Variants in NTNG1 observed in about 807,000 individuals in gnomAD.
The protein encoded by NTNG1 is netrin G1, also known as netrin-G1.
A neutral mutation model predicts 54.0 loss-of-function variants in NTNG1; 16 were observed. The observed-to-expected ratio is 0.30, with a 90% CI of 0.20 to 0.45. The LOEUF (loss-of-function observed/expected upper bound fraction) is 0.45, where lower values mean the gene tolerates loss of function less well. Ranked by LOEUF, NTNG1 falls within the 20% of genes least tolerant of loss-of-function variation. NTNG1 has a pLI of 1.00. For missense variants in NTNG1, 530 were observed against 678.7 expected (o/e 0.78, Z 2.43); for synonymous variants, 255 against 263.1 (o/e 0.97, Z 0.30).
At chr1:107,307,326 A>G (rs1191205384) in intron 2 of NTNG1, among the ~76,000 whole-genome samples, 3 of 152,174 alleles carry the variant, frequency 2.0e-5, no homozygotes, top group African/African-American at 7.2e-5. Flanking sequence ...GACCCTACAA[A>G]GGAGGCTTTT....
At chr1:107,310,797 C>T (rs1160005624) in intron 2 of NTNG1, among the ~76,000 whole-genome samples, 1 of 152,008 alleles carries the variant, frequency 6.6e-6, no homozygotes, top group East Asian at 1.9e-4. Flanking sequence ...AAATACACTA[C>T]CCATGTCCCA....
intron 3 of NTNG1, among the ~76,000 whole-genome samples, chr1:107,355,328 T>C (rs1215588773): frequency 2.6e-5 from 4 of 152,022 alleles, no homozygotes; most frequent in African/African-American, 4.8e-5. Context: ...GATTCTCACA[T>C]AAGGCAGTAG....
At chr1:107,333,731 T>A (rs1379690061) in intron 3 of NTNG1, among the ~76,000 whole-genome samples, 1 of 151,908 alleles carries the variant, frequency 6.6e-6, no homozygotes, top group Non-Finnish European at 1.5e-5. Flanking sequence ...AGTTCCAACT[T>A]TAGTTATCAT....
At chr1:107,470,942 G>T (rs190755370) in intron 7 of NTNG1, among the ~76,000 whole-genome samples, 32 of 152,282 alleles carry the variant, frequency 2.1e-4, no homozygotes, top group African/African-American at 7.0e-4. Context: ...AAAAATTTTA[G>T]GGATGTTTGG....
At chr1:107,404,869 C>T (rs971533414) in intron 4 of NTNG1, among the ~76,000 whole-genome samples, 8 of 152,078 alleles carry the variant, frequency 5.3e-5, no homozygotes, top group Non-Finnish European at 1.2e-4. Context: ...TGGTAGTTGT[C>T]AATTCACAGA....
chr1:107,317,224 C>T (rs897993230), intron 2 of NTNG1, among the ~76,000 whole-genome samples: 1 of 152,154 alleles, frequency 6.6e-6, no homozygotes, highest in African/African-American at 2.4e-5. Flanking sequence ...TTTTAACTCC[C>T]CTTGTTTTTC....
At chr1:107,254,717 G>T (rs966383906) in intron 2 of NTNG1, among the ~76,000 whole-genome samples, 1 of 152,224 alleles carries the variant, frequency 6.6e-6, no homozygotes, top group Admixed American at 6.5e-5. Flanking sequence ...GAAAAAAAAT[G>T]AGTTGAGGAT....
intron 5 of NTNG1, among the ~76,000 whole-genome samples, chr1:107,417,368 T>G (rs1674286051): frequency 6.6e-6 from 1 of 152,106 alleles, no homozygotes; most frequent in Non-Finnish European, 1.5e-5. Context: ...AAAGTTATAG[T>G]GCAAGTCTCT....
chr1:107,184,477 C>T (rs1019944600), intron 2 of NTNG1, among the ~76,000 whole-genome samples: 11 of 152,046 alleles, frequency 7.2e-5, no homozygotes, highest in African/African-American at 1.7e-4. Flanking sequence ...TGCTTCCTGC[C>T]GAAAGTAGTT....
chr1:107,309,492 A>G lies in NTNG1; in HGVS notation c.247-14790A>G, dbSNP rs543221994. 5.3e-5 allele frequency among the ~76,000 whole-genome samples: 8 copies of G among 152,320 alleles called. No individual in the cohort carries two copies. The South Asian group carries it at 1.7e-3, about 32-fold the overall frequency. On this transcript the variant is annotated intron_variant, in intron 2 of 7. Coordinates refer to ENST00000370068, the MANE Select transcript of NTNG1 (RefSeq NM_001113226.3). ...TTAATTATAAAATAGTTTGTTTTAC[A>G]TTCACTTGTTTGCTCATCTTTTATT...
At chr1:107,258,263 T>G (rs1663062499) in intron 2 of NTNG1, among the ~76,000 whole-genome samples, 1 of 151,596 alleles carries the variant, frequency 6.6e-6, no homozygotes, top group Non-Finnish European at 1.5e-5. Flanking sequence ...GTTGGTTTTT[T>G]TTTTTCATTT....
intron 2 of NTNG1, among the ~76,000 whole-genome samples, chr1:107,165,800 T>C (rs1655749565): frequency 6.6e-6 from 1 of 152,232 alleles, no homozygotes; most frequent in Non-Finnish European, 1.5e-5. Flanking sequence ...TGCCATTATT[T>C]ATTATGTCAA....
At chr1:107,236,322 T>C (rs1305270957) in intron 2 of NTNG1, among the ~76,000 whole-genome samples, 4 of 151,922 alleles carry the variant, frequency 2.6e-5, no homozygotes, top group Non-Finnish European at 5.9e-5. Context: ...CCTTCAAAAG[T>C]GAAGATTTAA....
intron 3 of NTNG1, among the ~76,000 whole-genome samples, chr1:107,359,904 A>G (rs1273981056): frequency 1.3e-5 from 2 of 152,208 alleles, no homozygotes; most frequent in Non-Finnish European, 2.9e-5. Flanking sequence ...AGTCACTGCT[A>G]TTTATTGTGT....
chr1:107,409,316 A>G (rs1276518548), intron 5 of NTNG1: 2 of 152,172 alleles, frequency 1.3e-5, no homozygotes, highest in Non-Finnish European at 2.9e-5. Context: ...TGCTATAGTG[A>G]TCTGGCCTGT....
Position 107,286,015 on chromosome 1 carries a change from G to A in NTNG1, c.247-38267G>A, listed in dbSNP as rs886077036. 2.0e-5 allele frequency among the ~76,000 whole-genome samples: 3 copies of A among 152,152 alleles called. No homozygotes were observed. In the East Asian group the frequency reaches 5.8e-4, roughly 29 times the overall value. ...GAAGGAAACACATCAAAGAGACTAT[G>A]AAGAGGCTGTAGGAGATCTGCAGTC... On this transcript the variant is annotated intron_variant, in intron 2 of 7. Transcript: ENST00000370068.
intron 7 of NTNG1, among the ~76,000 whole-genome samples, chr1:107,441,336 T>C (rs1675952614): frequency 6.6e-6 from 1 of 152,164 alleles, no homozygotes; most frequent in Non-Finnish European, 1.5e-5. Flanking sequence ...CACATGGGAA[T>C]ATGCTGCAGG....
At chr1:107,450,373 G>A (rs1433134655) in intron 7 of NTNG1, among the ~76,000 whole-genome samples, 4 of 152,040 alleles carry the variant, frequency 2.6e-5, no homozygotes, top group Non-Finnish European at 5.9e-5. Context: ...CACTATCCAT[G>A]AGAATTAAAT....
At chr1:107,219,716 G>A (rs557042961) in intron 2 of NTNG1, among the ~76,000 whole-genome samples, 59 of 152,246 alleles carry the variant, frequency 3.9e-4, no homozygotes, top group African/African-American at 1.3e-3. Flanking sequence ...CTGGTACCAG[G>A]GAATATCTGC....
Sources: gnomAD v4.1 joint callset for allele counts (sites outside exome capture counted in the v4.1 genomes callset) on GRCh38, gnomAD v4.1.1 for gene constraint, MANE v1.5 for transcripts, NCBI Gene and HGNC (gene_info 2026-07-23, HGNC 2026-07-21) for gene names.